Variants in MAGI2 observed in about 807,000 individuals in gnomAD.
The protein encoded by MAGI2 is membrane associated guanylate kinase, WW and PDZ domain containing 2.
MAGI2 carries 35 observed loss-of-function variants against 133.3 expected under a neutral mutation model. The ratio of observed to expected loss-of-function variants is 0.26; its 90% CI spans 0.20 to 0.35. The LOEUF (loss-of-function observed/expected upper bound fraction) is 0.35. Among genes scored for constraint, MAGI2 ranks in the 10% least tolerant of loss-of-function variants. MAGI2 has a pLI of 1.00. For synonymous variants in MAGI2, 729 were observed against 710.6 expected (o/e 1.03, Z -0.41); for missense variants, 1,636 against 1,863.4 (o/e 0.88, Z 2.25).
chr7:78,687,004 T>A (rs1441771486), intron 2 of MAGI2, among the ~76,000 whole-genome samples: 1 of 152,182 alleles, frequency 6.6e-6, no homozygotes, highest in South Asian at 2.1e-4. Context: ...AAATCACTGG[T>A]TTCCAAACGT....
chr7:79,284,361 A>G (rs1835856271), intron 1 of MAGI2, among the ~76,000 whole-genome samples: 1 of 152,098 alleles, frequency 6.6e-6, no homozygotes, highest in Non-Finnish European at 1.5e-5. Context: ...GTCAAAAGCC[A>G]CAGGGCATAT....
chr7:78,960,037 T>C (rs566305909), intron 2 of MAGI2, among the ~76,000 whole-genome samples: 101 of 152,222 alleles, frequency 6.6e-4, no homozygotes, highest in Middle Eastern at 3.4e-3. Flanking sequence ...GGAAAATACC[T>C]AGAGCAAGGA....
chr7:78,904,526 T>TTG (rs1258143322), intron 2 of MAGI2, among the ~76,000 whole-genome samples: 1 of 41,262 alleles, frequency 2.4e-5, no homozygotes, highest in Non-Finnish European at 4.0e-5. Context: ...AACGCAGTTC[T>TTG]TTTTTTTTTT....
chr7:79,439,318 T>C (rs1211517654), intron 1 of MAGI2, among the ~76,000 whole-genome samples: 2 of 152,064 alleles, frequency 1.3e-5, no homozygotes, highest in African/African-American at 2.4e-5. Context: ...ACCTGTCCTA[T>C]CTTCTTGGAT....
rs1303756964 is a variant in MAGI2 at position 78,915,351 on chromosome 7, T to C, written c.418+91739A>G. Among the ~76,000 whole-genome samples the C allele has an allele frequency of 3.3e-5, 5 of 152,284 alleles. No individual in the cohort carries two copies. In the East Asian group the frequency reaches 9.6e-4, roughly 29 times the overall value. On this transcript the variant is annotated intron_variant, in intron 2 of 21. Coordinates refer to ENST00000354212, the MANE Select transcript of MAGI2 (RefSeq NM_012301.4). Reference sequence around the variant, plus strand: ...TTGAATGAATACTAGGGAGAGCCTATTCAGTTGGTACATTTACTGAATTAG... The same window carrying C: ...TTGAATGAATACTAGGGAGAGCCTACTCAGTTGGTACATTTACTGAATTAG...
intron 1 of MAGI2, among the ~76,000 whole-genome samples, chr7:79,139,263 A>G (rs187593407): frequency 1.2e-4 from 18 of 152,328 alleles, no homozygotes; most frequent in Admixed American, 9.8e-4. Flanking sequence ...CTATTTACCT[A>G]AAAGGGTTAA....
At chr7:78,619,637 A>C (rs1407709209) in intron 3 of MAGI2, among the ~76,000 whole-genome samples, 1 of 151,988 alleles carries the variant, frequency 6.6e-6, no homozygotes, top group Non-Finnish European at 1.5e-5. Context: ...GCTGGGCTCA[A>C]AAAATTCCTA....
chr7:78,087,376 A>C (rs1173455603), intron 20 of MAGI2, among the ~76,000 whole-genome samples: 1 of 152,262 alleles, frequency 6.6e-6, no homozygotes, highest in Non-Finnish European at 1.5e-5. Flanking sequence ...ACCAGGTTTG[A>C]TCATGATCAA....
At chr7:78,406,466 A>G (rs915704552) in intron 6 of MAGI2, among the ~76,000 whole-genome samples, 10 of 152,108 alleles carry the variant, frequency 6.6e-5, no homozygotes, top group Admixed American at 2.0e-4. Context: ...AACAAAACAT[A>G]GCACAGTAAA....
chr7:78,087,674 C>T (rs1046439017), intron 20 of MAGI2, among the ~76,000 whole-genome samples: 10 of 152,056 alleles, frequency 6.6e-5, no homozygotes, highest in African/African-American at 2.4e-4. Flanking sequence ...ATAAGCACTG[C>T]CTGATAGAAA....
intron 2 of MAGI2, among the ~76,000 whole-genome samples, chr7:78,974,764 A>G (rs550001502): frequency 6.6e-6 from 1 of 151,800 alleles, no homozygotes; most frequent in African/African-American, 2.4e-5. Flanking sequence ...AAGCATTCCC[A>G]TGCCCAACAG....
chr7:79,222,787 T>G (rs777617485), intron 1 of MAGI2, among the ~76,000 whole-genome samples: 1 of 152,114 alleles, frequency 6.6e-6, no homozygotes, highest in Non-Finnish European at 1.5e-5. Context: ...TGATGAAAAC[T>G]ATCTTACTAT....
intron 2 of MAGI2, among the ~76,000 whole-genome samples, chr7:78,826,226 C>T (rs1425434970): frequency 6.6e-6 from 1 of 151,506 alleles, no homozygotes; most frequent in Non-Finnish European, 1.5e-5. Flanking sequence ...TGGTGGCAGG[C>T]GCCTGTAGTC....
chr7:78,944,535 T>C (rs1801250979), intron 2 of MAGI2, among the ~76,000 whole-genome samples: 1 of 152,022 alleles, frequency 6.6e-6, no homozygotes, highest in Admixed American at 6.6e-5. Context: ...CAAGCCTGTT[T>C]CAATTTCAAG....
intron 1 of MAGI2, among the ~76,000 whole-genome samples, chr7:79,131,476 T>C (rs1015668320): frequency 6.6e-6 from 1 of 152,224 alleles, no homozygotes; most frequent in Admixed American, 6.5e-5. Flanking sequence ...CCTTATTAAG[T>C]ACTTTGACAT....
intron 2 of MAGI2, among the ~76,000 whole-genome samples, chr7:78,852,850 T>C (rs1289479232): frequency 1.3e-5 from 2 of 152,112 alleles, no homozygotes; most frequent in Non-Finnish European, 2.9e-5. Flanking sequence ...GAGTTTTGAT[T>C]TGGATTATAG....
intron 2 of MAGI2, among the ~76,000 whole-genome samples, chr7:78,680,222 A>T (rs2151092924): frequency 6.6e-6 from 1 of 152,228 alleles, no homozygotes; most frequent in Admixed American, 6.5e-5. Context: ...TAACTCAAGA[A>T]CCATTAACAT....
chr7:78,706,429 T>A (rs1270280751), intron 2 of MAGI2, among the ~76,000 whole-genome samples: 1 of 152,140 alleles, frequency 6.6e-6, no homozygotes, highest in Non-Finnish European at 1.5e-5. Context: ...AACCTCTTTT[T>A]GTTCCCAGTT....
intron 1 of MAGI2, among the ~76,000 whole-genome samples, chr7:79,417,433 C>A (rs1166696895): frequency 6.6e-6 from 1 of 152,088 alleles, no homozygotes. Context: ...TCTTGAATAT[C>A]ATATCTCTGA....
Sources: allele counts gnomAD v4.1 joint callset (sites outside exome capture counted in the v4.1 genomes callset), GRCh38; gene constraint gnomAD v4.1.1; transcripts MANE v1.5; gene names NCBI Gene and HGNC (gene_info 2026-07-23, HGNC 2026-07-21).